The following PALD1 variants were observed in gnomAD, a reference collection of about 807,000 sequenced individuals.
PALD1 encodes phosphatase domain containing paladin 1.
A neutral mutation model predicts 96.0 loss-of-function variants in PALD1; 57 were observed. The ratio of observed to expected loss-of-function variants is 0.59; its 90% CI spans 0.48 to 0.74. The LOEUF is 0.74. Ranked by LOEUF, PALD1 falls within the 30% of genes least tolerant of loss-of-function variation. The pLI is 0.00. For missense variants in PALD1, 1,063 were observed against 1,143.7 expected, an observed-to-expected ratio of 0.93 and a Z score of 1.02; for synonymous variants, 464 against 473.6, an observed-to-expected ratio of 0.98 and a Z score of 0.26.
intron 19 of PALD1, among the ~76,000 whole-genome samples, chr10:70,565,023 A>G (rs1589223882): frequency 6.6e-6 from 1 of 152,128 alleles, no homozygotes; most frequent in African/African-American, 2.4e-5. Context: ...TAGCACTAAC[A>G]TGGAGGTGAT....
At chr10:70,472,212 G>T in the PALD1 span, among the ~76,000 whole-genome samples, 59 of 152,300 alleles carry the variant, frequency 3.9e-4, no homozygotes, top group Non-Finnish European at 6.0e-4. Context: ...ATCCTTGGGA[G>T]CCTGGAGTGG....
At chr10:70,512,115 A>C (rs1846527371) in intron 1 of PALD1, among the ~76,000 whole-genome samples, 1 of 152,202 alleles carries the variant, frequency 6.6e-6, no homozygotes, top group Non-Finnish European at 1.5e-5. Flanking sequence ...TAATACTATT[A>C]TAATGGCAAT....
chr10:70,555,958 A>G (rs962301553), intron 18 of PALD1, among the ~76,000 whole-genome samples: 6 of 152,106 alleles, frequency 3.9e-5, no homozygotes, highest in Non-Finnish European at 5.9e-5. Flanking sequence ...CTGAGATCGC[A>G]CCACTGCACT....
At chr10:70,460,713 A>C in the PALD1 span, among the ~76,000 whole-genome samples, 2 of 151,820 alleles carry the variant, frequency 1.3e-5, no homozygotes, top group African/African-American at 2.4e-5. Context: ...GGATGGCATC[A>C]CTCCCCTCAC....
intron 1 of PALD1, among the ~76,000 whole-genome samples, chr10:70,524,233 G>A (rs1412810453): frequency 6.6e-6 from 1 of 152,178 alleles, no homozygotes; most frequent in Non-Finnish European, 1.5e-5. Flanking sequence ...GGGGTTGGGG[G>A]CTGGCAGGGC....
chr10:70,488,994 A>G (rs1589170129), intron 1 of PALD1, among the ~76,000 whole-genome samples: 1 of 151,964 alleles, frequency 6.6e-6, no homozygotes, highest in Admixed American at 6.6e-5. Context: ...AATGACCCCG[A>G]CTTGGCTGCC....
chr10:70,540,765 A>G lies in PALD1; in HGVS notation c.1909-337A>G, dbSNP rs1187094001. ...AGGTGGGTGGCAGGGCCAGCAGTCT[A>G]TGTGCAGCCCAGGGGCGCAGTACAC... is the stretch of plus-strand genomic sequence containing the variant. On this transcript the variant is annotated intron_variant, in intron 15 of 19. Coordinates refer to ENST00000263563, the MANE Select transcript of PALD1 (RefSeq NM_014431.3). The surrounding 1 kb of genome is among the most constrained non-coding windows in gnomAD (Gnocchi z 4.2). Among the ~76,000 whole-genome samples, 1 of 152,112 alleles carries G rather than the reference A, an allele frequency of 6.6e-6. No homozygotes were observed. The highest frequency in any genetic ancestry group is 1.5e-5 in the Non-Finnish European group (1 of 68,006).
At chr10:70,557,139 C>T (rs1231163155) in intron 18 of PALD1, among the ~76,000 whole-genome samples, 3 of 152,276 alleles carry the variant, frequency 2.0e-5, no homozygotes, top group African/African-American at 7.2e-5. Context: ...AGCCCTGGCT[C>T]TGCCAGTAAC....
chr10:70,531,220 G>A, intron 4 of PALD1, 70 bp from the exon 5 acceptor site: 1 of 1,325,154 alleles, frequency 7.5e-7, no homozygotes, highest in South Asian at 1.3e-5. Context: ...AGGCCCTGAG[G>A]TGGGGCAGTG....
intron 1 of PALD1, among the ~76,000 whole-genome samples, chr10:70,507,787 GT>G (rs1363299583): frequency 2.1e-5 from 3 of 142,928 alleles, no homozygotes; most frequent in South Asian, 2.2e-4. Flanking sequence ...GTGTGTGTGT[GT>G]GTGGTGTATG....
chr10:70,517,342 ATT>A (rs35816076), intron 1 of PALD1, among the ~76,000 whole-genome samples: 5,665 of 137,500 alleles, frequency 0.041, 233 homozygotes, highest in African/African-American at 0.12. Flanking sequence ...TTAAGTGTTC[ATT>A]TTTTTTTTTT....
the PALD1 span, among the ~76,000 whole-genome samples, chr10:70,463,985 C>T: frequency 2.0e-5 from 3 of 152,098 alleles, no homozygotes; most frequent in Admixed American, 6.6e-5. Flanking sequence ...TGTACTAATC[C>T]TAAAGTTACA....
At chr10:70,464,234 A>G in the PALD1 span, among the ~76,000 whole-genome samples, 1 of 125,412 alleles carries the variant, frequency 8.0e-6, no homozygotes, top group Non-Finnish European at 1.6e-5. Context: ...TTTTTGAGAC[A>G]GAGTTTCACT....
intron 2 of PALD1, among the ~76,000 whole-genome samples, chr10:70,528,130 A>G (rs1465265595): frequency 8.5e-6 from 1 of 117,512 alleles, no homozygotes; most frequent in Non-Finnish European, 2.1e-5. Flanking sequence ...TTATGGCTAC[A>G]TAGTATTCCA....
chr10:70,547,053 G>A (rs1847380851), intron 17 of PALD1, among the ~76,000 whole-genome samples: 1 of 152,188 alleles, frequency 6.6e-6, no homozygotes, highest in South Asian at 2.1e-4. Context: ...CAATGTCTGT[G>A]TACTGATCCT....
intron 1 of PALD1, among the ~76,000 whole-genome samples, chr10:70,486,999 C>A (rs1428675028): frequency 6.6e-6 from 1 of 152,038 alleles, no homozygotes; most frequent in African/African-American, 2.4e-5. Flanking sequence ...AGAGACGAGC[C>A]CCAGAGTTGC....
At chr10:70,494,422 G>A (rs996347628) in intron 1 of PALD1, among the ~76,000 whole-genome samples, 1 of 152,192 alleles carries the variant, frequency 6.6e-6, no homozygotes, top group Non-Finnish European at 1.5e-5. Flanking sequence ...GAATGCATGA[G>A]CCCATTTTAT....
Position 70,538,354 on chromosome 10 carries a change from G to T in PALD1, c.1398G>T (p.Thr466=), listed in dbSNP as rs781126276. The stretch of plus-strand genomic sequence containing the variant: ...CTGAGCTGTACCGCCTGCCCGTGAC[G>T]CTGAGCTCAGCAGGCCCTGTGGCTC... The part of the protein sequence containing the change: ...AHPELYRLPV[T]LSSAGPVAPR... Residue 466 remains threonine (T), a synonymous_variant, in exon 12 of 20, where the codon ACG becomes ACT. Coordinates refer to ENST00000263563, the MANE Select transcript of PALD1 (RefSeq NM_014431.3). The T allele has an allele frequency of 1.9e-6, 3 of 1,610,294 alleles. No individual in the cohort carries two copies. The highest frequency in any genetic ancestry group is 2.2e-5 in the East Asian group (1 of 44,878).
chr10:70,480,892 A>G (rs1845919197), intron 1 of PALD1, among the ~76,000 whole-genome samples: 1 of 152,242 alleles, frequency 6.6e-6, no homozygotes, highest in East Asian at 1.9e-4. Flanking sequence ...AGCTGGATAC[A>G]TATATACTTG....
Sources: allele counts gnomAD v4.1 joint callset (sites outside exome capture counted in the v4.1 genomes callset), GRCh38; gene constraint gnomAD v4.1.1; non-coding constraint Gnocchi (gnomAD v3.1); transcripts MANE v1.5; gene names NCBI Gene and HGNC (gene_info 2026-07-23, HGNC 2026-07-21).